Variants in NBEA observed in about 807,000 individuals in gnomAD.
The protein encoded by NBEA is neurobeachin.
NBEA carries 44 observed loss-of-function variants against 343.4 expected under a neutral mutation model. The ratio of observed to expected loss-of-function variants is 0.13; its 90% confidence interval spans 0.10 to 0.16. The LOEUF (loss-of-function observed/expected upper bound fraction) is 0.16. Ranked by LOEUF, NBEA falls within the 10% of genes least tolerant of loss-of-function variation. The pLI, the probability that NBEA is intolerant of heterozygous loss-of-function variation, is 1.00. For synonymous variants in NBEA, 1,175 were observed against 1,238.7 expected (o/e 0.95, Z 1.08); for missense variants, 2,555 against 3,631.3 (o/e 0.70, Z 7.62).
chr13:35,123,703 G>A, intron 17 of NBEA, 129 bp downstream of exon 17: 1 of 421,602 alleles, frequency 2.4e-6, no homozygotes, highest in Non-Finnish European at 4.1e-6. Context: ...AGCTTTCTGT[G>A]GTAGAAATTG....
At chr13:35,001,799 A>G (rs1401036747) in intron 1 of NBEA, among the ~76,000 whole-genome samples, 1 of 152,164 alleles carries the variant, frequency 6.6e-6, no homozygotes, top group African/African-American at 2.4e-5. Flanking sequence ...TGAAATAGCT[A>G]GAAGAGAGGA....
At chr13:35,602,257 T>G (rs1231890347) in intron 47 of NBEA, among the ~76,000 whole-genome samples, 4 of 152,240 alleles carry the variant, frequency 2.6e-5, no homozygotes, top group Non-Finnish European at 5.9e-5. Flanking sequence ...TGAATATAAA[T>G]TATACTAATG....
chr13:35,419,279 C>A (rs7991710), intron 38 of NBEA, among the ~76,000 whole-genome samples: 10 of 151,990 alleles, frequency 6.6e-5, no homozygotes, highest in Non-Finnish European at 1.3e-4. Flanking sequence ...TTTGGTGTTT[C>A]GTGAGGGCCC....
At chr13:34,945,129 A>C (rs2059150314) in intron 1 of NBEA, among the ~76,000 whole-genome samples, 1 of 152,198 alleles carries the variant, frequency 6.6e-6, no homozygotes, top group African/African-American at 2.4e-5. Context: ...ATACTGAGAT[A>C]GTATATCCCC....
intron 41 of NBEA, among the ~76,000 whole-genome samples, chr13:35,509,582 A>G (rs1021089796): frequency 6.6e-6 from 1 of 152,192 alleles, no homozygotes; most frequent in Non-Finnish European, 1.5e-5. Flanking sequence ...GGCTTAAGCC[A>G]TTTGTGGTGT....
intron 48 of NBEA, among the ~76,000 whole-genome samples, chr13:35,607,458 A>T (rs746969633): frequency 6.6e-6 from 1 of 152,192 alleles, no homozygotes; most frequent in Non-Finnish European, 1.5e-5. Flanking sequence ...TAATCCCAAC[A>T]TGGTTATAGT....
intron 48 of NBEA, among the ~76,000 whole-genome samples, chr13:35,613,556 G>T (rs954124762): frequency 2.0e-5 from 3 of 152,048 alleles, no homozygotes; most frequent in Non-Finnish European, 2.9e-5. Context: ...GTTACTTTGG[G>T]TAAATACCTA....
At chr13:35,313,791 T>A (rs115139355) in intron 36 of NBEA, among the ~76,000 whole-genome samples, 42 of 151,890 alleles carry the variant, frequency 2.8e-4, no homozygotes, top group African/African-American at 9.9e-4. Context: ...TTACCTAGAG[T>A]AGAGGGACAG....
At chr13:35,231,746 G>A (rs1362152786) in intron 33 of NBEA, among the ~76,000 whole-genome samples, 1 of 152,058 alleles carries the variant, frequency 6.6e-6, no homozygotes, top group African/African-American at 2.4e-5. Flanking sequence ...AGGTCACCTA[G>A]CTAGTATATG....
chr13:35,237,411 T>C (rs1048630048), intron 34 of NBEA, among the ~76,000 whole-genome samples: 3 of 152,206 alleles, frequency 2.0e-5, no homozygotes, highest in African/African-American at 7.2e-5. Flanking sequence ...TTTTATTTTC[T>C]CATTCTTGAG....
intron 36 of NBEA, among the ~76,000 whole-genome samples, chr13:35,335,524 G>A (rs116191338): frequency 1.6e-3 from 243 of 151,988 alleles, no homozygotes; most frequent in African/African-American, 5.6e-3. Context: ...TTGTTTCATC[G>A]ATGTATTATA....
intron 41 of NBEA, among the ~76,000 whole-genome samples, chr13:35,521,664 A>T (rs1216592544): frequency 1.3e-5 from 2 of 152,166 alleles, no homozygotes; most frequent in African/African-American, 2.4e-5. Flanking sequence ...CATTACAGAG[A>T]CTGCAATTCA....
At position 35,211,117 on chromosome 13, in the gene NBEA, C is replaced by A. The variant is rs1005267815; in HGVS notation, c.5586C>A (p.Ser1862Arg). 2 of 1,552,432 alleles carry A rather than the reference C, an allele frequency of 1.3e-6. No homozygotes were observed. Among genetic ancestry groups the A allele is most frequent in the Non-Finnish European group, 1.7e-6 (2 of 1,147,096 alleles). Residue 1862 changes from serine (S) to arginine (R), a missense_variant, in exon 33 of 59, where the codon AGC becomes AGA. Ser to Arg is a moderately radical substitution (Grantham distance 110, BLOSUM62 -1). This residue lies in a region of NBEA where 84 missense variants were observed against 196.4 expected (regional missense o/e 0.43). Transcript: ENST00000379939. ...SSSSFVNGAT[S>R]KNLPAVQTVA... ...CTAGTTTTGTGAATGGTGCTACTAG[C>A]AAAAACCTTCCAGCTGTACAAACTG...
chr13:35,648,344 C>G (rs2084350268), intron 51 of NBEA, among the ~76,000 whole-genome samples: 1 of 151,958 alleles, frequency 6.6e-6, no homozygotes. Context: ...CCGTATAAAC[C>G]CCTCAGCCAC....
At chr13:35,442,558 T>G (rs905365041) in intron 39 of NBEA, among the ~76,000 whole-genome samples, 1 of 152,134 alleles carries the variant, frequency 6.6e-6, no homozygotes, top group African/African-American at 2.4e-5. Context: ...ATTAAGAAGA[T>G]TATTAAGTTA....
At chr13:35,248,721 A>G (rs1045846257) in intron 34 of NBEA, among the ~76,000 whole-genome samples, 3 of 152,224 alleles carry the variant, frequency 2.0e-5, no homozygotes, top group African/African-American at 7.2e-5. Flanking sequence ...TCATGTTAAG[A>G]AAACTTAATA....
intron 35 of NBEA, among the ~76,000 whole-genome samples, chr13:35,297,707 CTA>C (rs1205744091): frequency 6.6e-6 from 1 of 151,940 alleles, no homozygotes; most frequent in Non-Finnish European, 1.5e-5. Context: ...GTGCTTACCA[CTA>C]TGTCTTCCAC....
At chr13:35,270,925 C>A (rs1051507011) in intron 34 of NBEA, among the ~76,000 whole-genome samples, 1 of 152,332 alleles carries the variant, frequency 6.6e-6, no homozygotes, top group Admixed American at 6.5e-5. Context: ...CAGAGCATAC[C>A]TGAACAAAAG....
intron 3 of NBEA, 88 bp downstream of exon 3, chr13:35,045,135 G>A: frequency 8.0e-7 from 1 of 1,256,458 alleles, no homozygotes; most frequent in Non-Finnish European, 1.1e-6. Flanking sequence ...CTATATACTT[G>A]AATTTATAAT....
Sources: gnomAD v4.1 joint callset for allele counts (sites outside exome capture counted in the v4.1 genomes callset) on GRCh38, gnomAD v4.1.1 for gene constraint, gnomAD v4.1.1 regional missense constraint, MANE v1.5 for transcripts, NCBI Gene and HGNC (gene_info 2026-07-23, HGNC 2026-07-21) for gene names.